The following TYRO3 variants were observed in gnomAD, a reference collection of about 807,000 sequenced individuals.
TYRO3 encodes tyrosine-protein kinase receptor TYRO3.
TYRO3 carries 38 observed loss-of-function variants against 95.2 expected under a neutral mutation model. The observed-to-expected ratio is 0.40, with a 90% CI of 0.31 to 0.52. The LOEUF is 0.52. Ranked by LOEUF, TYRO3 falls within the 20% of genes least tolerant of loss-of-function variation. TYRO3 has a pLI of 0.56. For missense variants in TYRO3, 812 were observed against 1,116.4 expected, an observed-to-expected ratio of 0.73 and a Z score of 3.89; for synonymous variants, 367 against 432.9, an observed-to-expected ratio of 0.85 and a Z score of 1.89.
chr15:41,568,170 T>C (rs2055747965), intron 7 of TYRO3, 47 bp from the exon 8 acceptor site: 1 of 1,609,062 alleles, frequency 6.2e-7, no homozygotes, highest in Non-Finnish European at 8.5e-7. Flanking sequence ...GGAATTATGA[T>C]GGTGGGAAGG....
intron 8 of TYRO3, 46 bp downstream of exon 8, chr15:41,568,408 C>T (rs767070316): frequency 1.0e-5 from 16 of 1,568,238 alleles, no homozygotes; most frequent in Admixed American, 1.9e-5. Context: ...GAGTATAAGC[C>T]TTCAGGGTTC....
intron 16 of TYRO3, 21 bp downstream of exon 16, chr15:41,573,132 G>A (rs773513272): frequency 4.0e-6 from 4 of 1,009,480 alleles, no homozygotes; most frequent in Admixed American, 4.4e-5. Flanking sequence ...TGGAGGACTC[G>A]AGGGTGGGAG....
Position 41,578,242 on chromosome 15 carries a change from T to A in TYRO3, c.2639T>A (p.Leu880Gln), listed in dbSNP as rs1463555345. The change falls in exon 19 of 19, where the codon CTG becomes CAG. Residue 880 changes from leucine to glutamine, a missense_variant. Physicochemically the swap from Leu to Gln is moderately radical, Grantham distance 113. Coordinates refer to ENST00000263798, the MANE Select transcript of TYRO3 (RefSeq NM_006293.4). ...PLNETQRLLL[L>Q]QQGLLPHSSC ...AATGAGACACAGAGGCTTTTGCTGC[T>A]GCAGCAAGGGCTACTGCCACACAGT... is the stretch of plus-strand genomic sequence containing the variant. 1.2e-6 allele frequency: 2 copies of A among 1,613,552 alleles called. No individual in the cohort carries two copies. Among genetic ancestry groups the A allele is most frequent in the East Asian group, 2.2e-5 (1 of 44,888 alleles).
intron 1 of TYRO3, among the ~76,000 whole-genome samples, chr15:41,560,215 GGTGAC>G (rs1026273841): frequency 6.6e-6 from 1 of 152,146 alleles, no homozygotes; most frequent in Non-Finnish European, 1.5e-5. Context: ...AGGGAAACGG[GGTGAC>G]GAGTATTTAC....
Position 41,565,876 on chromosome 15 carries a change from G to A in TYRO3, c.783+735G>A, listed in dbSNP as rs2055716914. On this transcript the variant is annotated intron_variant, in intron 6 of 18. Coordinates refer to ENST00000263798, the MANE Select transcript of TYRO3 (RefSeq NM_006293.4). The stretch of plus-strand genomic sequence containing the variant: ...CTTGGAGAGTGGAAAAACTGTGTAA[G>A]GTGATACTAAAAACAAGAGGCAATG... Among the ~76,000 whole-genome samples the A allele has an allele frequency of 2.0e-5, 3 of 152,134 alleles. No individual in the cohort carries two copies. In the South Asian group the frequency reaches 6.2e-4, roughly 32 times the overall value.
chr15:41,573,916 T>A, intron 18 of TYRO3, 101 bp downstream of exon 18: 1 of 1,149,370 alleles, frequency 8.7e-7, no homozygotes, highest in South Asian at 1.5e-5. Flanking sequence ...TGTTTTTTGA[T>A]AGAAACATCC....
intron 15 of TYRO3, 120 bp downstream of exon 15, chr15:41,572,684 T>A: frequency 7.7e-7 from 1 of 1,297,002 alleles, no homozygotes; most frequent in Non-Finnish European, 1.1e-6. Context: ...TGGGTGGGAG[T>A]AGGAGGGGTC....
intron 12 of TYRO3, 47 bp from the exon 13 acceptor site, chr15:41,570,991 G>T (rs765908323): frequency 6.3e-7 from 1 of 1,593,174 alleles, no homozygotes; most frequent in African/African-American, 1.3e-5. Context: ...AGGTTGGCAG[G>T]GAGCAGAGAG....
intron 18 of TYRO3, among the ~76,000 whole-genome samples, chr15:41,575,648 C>T (rs1479109981): frequency 6.6e-6 from 1 of 152,188 alleles, no homozygotes; most frequent in Non-Finnish European, 1.5e-5. Context: ...GCTTGGGGCT[C>T]TTGTCATGGG....
At chr15:41,573,518 C>A (rs756626961) in intron 17 of TYRO3, 51 bp downstream of exon 17, 6 of 1,568,336 alleles carry the variant, frequency 3.8e-6, no homozygotes, top group Non-Finnish European at 5.2e-6. Context: ...GAGAGCAGAC[C>A]TTTAGGATCC....
chr15:41,570,087 C>T lies in TYRO3; in HGVS notation c.1313C>T (p.Thr438Met). ...SWVPVVLGVL[T>M]ALVTAAALAL... is the part of the protein sequence containing the mutation. Reference sequence around the variant, plus strand: ...GTACCTGTGGTCCTTGGTGTGCTAACGGCCCTGGTGACGGCTGCTGCCCTG... The same window carrying T: ...GTACCTGTGGTCCTTGGTGTGCTAATGGCCCTGGTGACGGCTGCTGCCCTG... The change falls in exon 10 of 19, where the codon ACG becomes ATG. Residue 438 changes from threonine to methionine, a missense_variant. Physicochemically the swap from Thr to Met is moderately conservative, Grantham distance 81 (BLOSUM62 -1). Coordinates refer to ENST00000263798, the MANE Select transcript of TYRO3 (RefSeq NM_006293.4). The T allele has an allele frequency of 6.2e-7, 1 of 1,614,166 alleles. No homozygotes were observed.
intron 5 of TYRO3, 90 bp downstream of exon 5, chr15:41,564,360 TCC>T: frequency 1.5e-6 from 2 of 1,310,938 alleles, no homozygotes; most frequent in South Asian, 2.4e-5. Flanking sequence ...GTGTTCCAGC[TCC>T]CCTTGTGGTC....
chr15:41,565,078 C>T lies in TYRO3; in HGVS notation c.720C>T (p.Asn240=), dbSNP rs376761841. The T allele has an allele frequency of 5.1e-5, 82 of 1,613,356 alleles. No individual in the cohort carries two copies. Among genetic ancestry groups the T allele is most frequent in the African/African-American group, 4.0e-4 (30 of 75,058 alleles). ...CCGTGACAAAGCTTTCCAGCAGCAACGCTAGTGTGGCCTGGATGCCAGGTG... is the reference window on the plus strand; with the variant it reads ...CCGTGACAAAGCTTTCCAGCAGCAATGCTAGTGTGGCCTGGATGCCAGGTG... The part of the protein sequence containing the change: ...NITVTKLSSS[N]ASVAWMPGAD... The change falls in exon 6 of 19, where the codon AAC becomes AAT. Residue 240 remains asparagine (N), a synonymous_variant. Coordinates refer to ENST00000263798, the MANE Select transcript of TYRO3 (RefSeq NM_006293.4).
intron 6 of TYRO3, among the ~76,000 whole-genome samples, chr15:41,567,092 A>G (rs1055268038): frequency 7.9e-5 from 12 of 152,304 alleles, no homozygotes; most frequent in African/African-American, 2.2e-4. Flanking sequence ...GGCTTTCACC[A>G]AGAAAGTGAT....
At chr15:41,571,765 G>A in intron 14 of TYRO3, 78 bp downstream of exon 14, 2 of 681,428 alleles carry the variant, frequency 2.9e-6, no homozygotes. Context: ...GCAGCCTATA[G>A]GAGAGACTTT....
At chr15:41,569,419 T>C (rs745399171) in intron 9 of TYRO3, among the ~76,000 whole-genome samples, 22 of 147,540 alleles carry the variant, frequency 1.5e-4, no homozygotes, top group Non-Finnish European at 3.3e-4. Context: ...CAGTGAGCTA[T>C]GATTGCACCA....
chr15:41,568,546 G>A (rs2055754356), intron 8 of TYRO3, among the ~76,000 whole-genome samples, 184 bp downstream of exon 8: 1 of 152,064 alleles, frequency 6.6e-6, no homozygotes, highest in African/African-American at 2.4e-5. Flanking sequence ...CTCCTGTTAG[G>A]GTTGCATCCT....
intron 18 of TYRO3, chr15:41,574,584 C>A: frequency 2.2e-6 from 1 of 450,154 alleles, no homozygotes; most frequent in South Asian, 1.6e-5. Flanking sequence ...GGAATTTGAA[C>A]CTAGATCCCT....
At chr15:41,565,417 C>CT (rs200236338) in intron 6 of TYRO3, among the ~76,000 whole-genome samples, 1,948 of 146,126 alleles carry the variant, frequency 0.013, 15 homozygotes, top group African/African-American at 0.031. Context: ...TTCTTTCTTT[C>CT]TTTTTTTTTT....
Sources: allele counts gnomAD v4.1 joint callset (sites outside exome capture counted in the v4.1 genomes callset), GRCh38; gene constraint gnomAD v4.1.1; transcripts MANE v1.5; gene names NCBI Gene and HGNC (gene_info 2026-07-23, HGNC 2026-07-21).